The following LHFPL2 variants were observed in gnomAD, a reference collection of about 807,000 sequenced individuals.
LHFPL2 encodes the protein LHFPL tetraspan subfamily member 2.
Under a neutral mutation model 17.5 loss-of-function variants are expected in LHFPL2, and 7 were observed. The ratio of observed to expected loss-of-function variants is 0.40; its 90% CI spans 0.23 to 0.75. LHFPL2 has a LOEUF of 0.75. Among genes scored for constraint, LHFPL2 ranks in the 30% least tolerant of loss-of-function variants. The pLI, the probability that LHFPL2 is intolerant of heterozygous loss-of-function variation, is 0.37. For missense variants in LHFPL2, 241 were observed against 294.8 expected (o/e 0.82, Z 1.34); for synonymous variants, 134 against 116.2 (o/e 1.15, Z -0.99).
At chr5:78,498,338 A>G (rs1467879473) in intron 4 of LHFPL2, among the ~76,000 whole-genome samples, 2 of 152,258 alleles carry the variant, frequency 1.3e-5, no homozygotes, top group East Asian at 1.9e-4. Flanking sequence ...GTGTACAACA[A>G]CTGGTGACTG....
Position 78,538,952 on chromosome 5 carries a change from C to T in LHFPL2, c.-186+25861G>A, listed in dbSNP as rs372360672. On this transcript the variant is annotated intron_variant, in intron 3 of 4. Transcript: ENST00000380345. ...CATAGTCTGCAACCTACTTCAAATT[C>T]CTAGCTCTGCTCTCCAATGGCGACA... 6.6e-5 allele frequency among the ~76,000 whole-genome samples: 10 copies of T among 152,320 alleles called. 3 individuals carry two copies. Among genetic ancestry groups the T allele is most frequent in the African/African-American group, 2.2e-4 (9 of 41,572 alleles).
At chr5:78,508,118 G>A (rs1342169383) in intron 4 of LHFPL2, among the ~76,000 whole-genome samples, 1 of 152,162 alleles carries the variant, frequency 6.6e-6, no homozygotes. Context: ...ATCTTCAGAA[G>A]TGAGTCAAAA....
At chr5:78,564,196 A>C (rs1173040346) in intron 3 of LHFPL2, among the ~76,000 whole-genome samples, 1 of 152,202 alleles carries the variant, frequency 6.6e-6, no homozygotes, top group African/African-American at 2.4e-5. Context: ...GGGCTGGATC[A>C]AAGTCTTTTG....
rs559250539 is a variant in LHFPL2 at position 78,523,955 on chromosome 5, G to A, written c.-185-13557C>T. On this transcript the variant is annotated intron_variant, in intron 3 of 4. Transcript: ENST00000380345. ...GGAGGGGCTGGGCAGGGGGCTGAGGGAAGGAAACGAGCCGGACAATGCACA... is the reference window on the plus strand; with the variant it reads ...GGAGGGGCTGGGCAGGGGGCTGAGGAAAGGAAACGAGCCGGACAATGCACA... 8.9e-4 allele frequency among the ~76,000 whole-genome samples: 135 copies of A among 152,194 alleles called. 1 individual carries two copies. The highest frequency in any genetic ancestry group is 3.4e-3 in the Middle Eastern group (1 of 294).
chr5:78,552,220 G>A (rs1417357619), intron 3 of LHFPL2, among the ~76,000 whole-genome samples: 5 of 150,254 alleles, frequency 3.3e-5, no homozygotes, highest in Non-Finnish European at 5.9e-5. Flanking sequence ...TGCAAGCTCC[G>A]CCTCCCAGGT....
At chr5:78,565,657 A>C (rs1448527417) in intron 2 of LHFPL2, among the ~76,000 whole-genome samples, 1 of 152,236 alleles carries the variant, frequency 6.6e-6, no homozygotes, top group African/African-American at 2.4e-5. Context: ...TGTTATAGGA[A>C]TATATTACAA....
At chr5:78,507,971 C>T (rs1561311222) in intron 4 of LHFPL2, among the ~76,000 whole-genome samples, 1 of 149,050 alleles carries the variant, frequency 6.7e-6, no homozygotes, top group East Asian at 1.9e-4. Context: ...CACACACACA[C>T]ACACATGCCC....
At chr5:78,545,582 C>T (rs1297122694) in intron 3 of LHFPL2, among the ~76,000 whole-genome samples, 3 of 152,184 alleles carry the variant, frequency 2.0e-5, no homozygotes, top group East Asian at 1.9e-4. Context: ...CTCACTACAG[C>T]GTTCATCTTG....
intron 2 of LHFPL2, among the ~76,000 whole-genome samples, chr5:78,588,168 A>G (rs1306920202): frequency 6.6e-6 from 1 of 152,132 alleles, no homozygotes; most frequent in African/African-American, 2.4e-5. Flanking sequence ...TCTGTTCCAT[A>G]TTGTTTTTTA....
intron 3 of LHFPL2, among the ~76,000 whole-genome samples, chr5:78,524,783 T>A (rs1466305947): frequency 6.6e-6 from 1 of 150,960 alleles, no homozygotes; most frequent in African/African-American, 2.4e-5. Flanking sequence ...ATCCTCAGAA[T>A]CTCAAAAGTT....
chr5:78,488,447 G>A lies in LHFPL2; in HGVS notation c.*450C>T, dbSNP rs1366544494. 9.8e-6 allele frequency: 2 copies of A among 204,154 alleles called. No individual in the cohort carries two copies. The highest frequency in any genetic ancestry group is 5.3e-5 in the Admixed American group (1 of 18,994). The allele number at this position is 204,154 out of a possible 1,614,324, so 12.6% of individuals were successfully genotyped here. Reference sequence around the variant, plus strand: ...AGTTTATAGTTTTCTGTTCGTTGGAGACAACTTGAAAGAACAGAGGAAAAC... The same window carrying A: ...AGTTTATAGTTTTCTGTTCGTTGGAAACAACTTGAAAGAACAGAGGAAAAC... On this transcript the variant is annotated 3_prime_UTR_variant, in exon 5 of 5. Coordinates refer to ENST00000380345, the MANE Select transcript of LHFPL2 (RefSeq NM_005779.3).
At chr5:78,579,598 T>G (rs371622387) in intron 2 of LHFPL2, among the ~76,000 whole-genome samples, 39 of 151,950 alleles carry the variant, frequency 2.6e-4, no homozygotes, top group African/African-American at 9.4e-4. Flanking sequence ...CGGTGTTTGG[T>G]TTTTTGTTCT....
chr5:78,561,282 G>C (rs1756718005), intron 3 of LHFPL2, among the ~76,000 whole-genome samples: 1 of 152,212 alleles, frequency 6.6e-6, no homozygotes, highest in African/African-American at 2.4e-5. Flanking sequence ...AAAGTAAGTA[G>C]AAAGAAAACT....
At chr5:78,492,951 C>T (rs1215555444) in intron 4 of LHFPL2, among the ~76,000 whole-genome samples, 1 of 152,144 alleles carries the variant, frequency 6.6e-6, no homozygotes. Context: ...CGGGCCTCTG[C>T]TCCCAGTGCC....
chr5:78,571,399 C>G (rs1056236697), intron 2 of LHFPL2, among the ~76,000 whole-genome samples: 1 of 152,070 alleles, frequency 6.6e-6, no homozygotes, highest in Non-Finnish European at 1.5e-5. Context: ...TTCTCTGAAC[C>G]CACCCTCGCC....
chr5:78,607,946 T>C (rs1396447240), intron 2 of LHFPL2, among the ~76,000 whole-genome samples: 1 of 152,178 alleles, frequency 6.6e-6, no homozygotes, highest in Non-Finnish European at 1.5e-5. Flanking sequence ...GAACACACAC[T>C]AAAAAGCTTT....
chr5:78,577,501 T>A (rs1757162372), intron 2 of LHFPL2, among the ~76,000 whole-genome samples: 1 of 152,154 alleles, frequency 6.6e-6, no homozygotes, highest in Non-Finnish European at 1.5e-5. Context: ...AAAGGTGCCA[T>A]TTAAACGCTG....
chr5:78,534,685 T>A (rs558912849), intron 3 of LHFPL2, among the ~76,000 whole-genome samples: 2 of 152,296 alleles, frequency 1.3e-5, no homozygotes, highest in Admixed American at 1.3e-4. Flanking sequence ...AGCTTTGGCT[T>A]CCAGTCCGTC....
intron 3 of LHFPL2, among the ~76,000 whole-genome samples, chr5:78,523,611 G>A (rs979297828): frequency 6.6e-6 from 1 of 152,176 alleles, no homozygotes; most frequent in Non-Finnish European, 1.5e-5. Flanking sequence ...CAAGGGCGAG[G>A]ACAGAATGAG....
Sources: gnomAD v4.1 joint callset for allele counts (sites outside exome capture counted in the v4.1 genomes callset) on GRCh38, gnomAD v4.1.1 for gene constraint, MANE v1.5 for transcripts, NCBI Gene and HGNC (gene_info 2026-07-23, HGNC 2026-07-21) for gene names.